SPAG17: variants seen among roughly 807,000 people sequenced by gnomAD.
The protein encoded by SPAG17 is sperm associated antigen 17.
In SPAG17, 169 loss-of-function variants were observed where a neutral mutation model predicts 273.6. The ratio of observed to expected loss-of-function variants is 0.62; its 90% CI spans 0.55 to 0.70. The LOEUF (loss-of-function observed/expected upper bound fraction) is 0.70. Ranked by LOEUF, SPAG17 falls within the 30% of genes least tolerant of loss-of-function variation. SPAG17 has a pLI of 0.00. For missense variants in SPAG17, 2,557 were observed against 2,627.8 expected, an observed-to-expected ratio of 0.97 and a Z score of 0.59; for synonymous variants, 825 against 873.2, an observed-to-expected ratio of 0.94 and a Z score of 0.97.
At chr1:118,160,142 CGCCCTAAAA>C (rs1273908295) in intron 1 of SPAG17, among the ~76,000 whole-genome samples, 1 of 152,146 alleles carries the variant, frequency 6.6e-6, no homozygotes, top group Non-Finnish European at 1.5e-5. Context: ...GAGACTCACC[CGCCCTAAAA>C]GGAGATCTCT....
chr1:118,144,579 G>GTATT (rs1658866994), intron 3 of SPAG17, among the ~76,000 whole-genome samples: 1 of 152,130 alleles, frequency 6.6e-6, no homozygotes, highest in Admixed American at 6.5e-5. Flanking sequence ...ATATCAGGTT[G>GTATT]TATTAATTGG....
At chr1:118,158,920 G>C (rs895384709) in intron 1 of SPAG17, among the ~76,000 whole-genome samples, 1 of 152,188 alleles carries the variant, frequency 6.6e-6, no homozygotes. Context: ...AGTGGAAAAG[G>C]CTCCCCTAGA....
chr1:118,077,558 CAA>C (rs1018100038), intron 15 of SPAG17, among the ~76,000 whole-genome samples: 1 of 151,966 alleles, frequency 6.6e-6, no homozygotes, highest in African/African-American at 2.4e-5. Context: ...TGAAACAAAA[CAA>C]AGAAAACACC....
At chr1:118,114,037 G>A (rs2102252730) in intron 4 of SPAG17, among the ~76,000 whole-genome samples, 1 of 152,248 alleles carries the variant, frequency 6.6e-6, no homozygotes, top group African/African-American at 2.4e-5. Flanking sequence ...CAAACAGAAA[G>A]TGCAGAAATT....
intron 32 of SPAG17, among the ~76,000 whole-genome samples, chr1:118,003,939 C>A (rs1477871168): frequency 1.3e-5 from 2 of 152,134 alleles, no homozygotes; most frequent in African/African-American, 4.8e-5. Flanking sequence ...TTTCTCCCCA[C>A]CTTTGTCGTT....
intron 10 of SPAG17, among the ~76,000 whole-genome samples, chr1:118,089,425 T>G (rs149909074): frequency 1.3e-5 from 2 of 151,384 alleles, no homozygotes; most frequent in African/African-American, 4.8e-5. Context: ...TGGGACAGTG[T>G]AAGGAATTTT....
rs1436779873 is a variant in SPAG17, at chr1:118,052,444, TAGAC to T, written c.2814+1554_2814+1557del. Among the ~76,000 whole-genome samples the T allele has an allele frequency of 4.0e-5, 6 of 151,624 alleles. No individual in the cohort carries two copies. In the East Asian group the frequency reaches 5.8e-4, roughly 15 times the overall value. ...TGGTCAAGGGATGTGAAATTTCAAT[TAGAC>T]AGGAGGAAAAAATTCAAGAGATCTA... On this transcript the variant is annotated intron_variant, in intron 20 of 48. Transcript: ENST00000336338.
At chr1:117,992,353 T>C (rs12125318) in intron 36 of SPAG17, 113 bp downstream of exon 36, 71,465 of 990,970 alleles carry the variant, frequency 0.072, 4,052 homozygotes, top group East Asian at 0.29. Context: ...CATCCTTGTG[T>C]TGCACTAGAC....
chr1:118,036,721 G>T, intron 24 of SPAG17, 49 bp downstream of exon 24: 2 of 1,262,726 alleles, frequency 1.6e-6, no homozygotes, highest in Non-Finnish European at 2.3e-6. Flanking sequence ...CAGTGGCAGG[G>T]ACCCTTGGCT....
At chr1:118,075,115 A>T (rs1015641671) in intron 15 of SPAG17, among the ~76,000 whole-genome samples, 1 of 152,254 alleles carries the variant, frequency 6.6e-6, no homozygotes, top group African/African-American at 2.4e-5. Context: ...ACCATTCTGC[A>T]GAGCTTCCCT....
chr1:117,973,448 G>T lies in SPAG17; in HGVS notation c.6118C>A (p.Pro2040Thr), dbSNP rs775364132. The T allele has an allele frequency of 3.1e-6, 5 of 1,613,638 alleles. No individual in the cohort carries two copies. The Admixed American group carries it at 6.7e-5, about 22-fold the overall frequency. Reference protein sequence around the residue: ...KLPHYLLSSKPKSQPLAKVQD... With the variant: ...KLPHYLLSSKTKSQPLAKVQD... ...ACCTTTGCAAGAGGTTGAGACTTAGGCTTGGAACTCAGCAAATAATGAGGC... is the reference window on the plus strand; with the variant it reads ...ACCTTTGCAAGAGGTTGAGACTTAGTCTTGGAACTCAGCAAATAATGAGGC... The change falls in exon 44 of 49, where the codon CCT becomes ACT. Residue 2040 changes from proline (P) to threonine (T), a missense_variant. Transcript: ENST00000336338.
intron 43 of SPAG17, among the ~76,000 whole-genome samples, chr1:117,975,877 C>A (rs527564676): frequency 6.6e-6 from 1 of 152,104 alleles, no homozygotes; most frequent in Non-Finnish European, 1.5e-5. Context: ...CTAATAAGTA[C>A]TAATTTGTTG....
At chr1:118,054,754 T>C (rs779159452) in intron 19 of SPAG17, among the ~76,000 whole-genome samples, 39 of 152,010 alleles carry the variant, frequency 2.6e-4, no homozygotes, top group Admixed American at 1.0e-3. Context: ...GGGTACTTAA[T>C]GCTCTCCTTC....
At chr1:118,027,287 G>A (rs1370671062) in intron 26 of SPAG17, among the ~76,000 whole-genome samples, 1 of 152,150 alleles carries the variant, frequency 6.6e-6, no homozygotes, top group Admixed American at 6.6e-5. Flanking sequence ...GAATGCCTAA[G>A]GAGAAGCGAA....
At chr1:118,040,575 A>G (rs1649628422) in intron 22 of SPAG17, among the ~76,000 whole-genome samples, 155 bp downstream of exon 22, 1 of 152,168 alleles carries the variant, frequency 6.6e-6, no homozygotes, top group Non-Finnish European at 1.5e-5. Flanking sequence ...AATAGAAGAA[A>G]GTGTGAAGTC....
intron 3 of SPAG17, 34 bp downstream of exon 3, chr1:118,150,507 AAC>A: frequency 8.2e-7 from 1 of 1,219,716 alleles, no homozygotes; most frequent in Non-Finnish European, 1.1e-6. Context: ...TTTTTCTAAA[AAC>A]ACAAAAATAT....
intron 29 of SPAG17, among the ~76,000 whole-genome samples, chr1:118,014,585 T>C (rs1161420993): frequency 1.3e-5 from 2 of 152,226 alleles, no homozygotes; most frequent in Non-Finnish European, 2.9e-5. Context: ...TAAGAGATTA[T>C]AAAATTATTT....
intron 4 of SPAG17, among the ~76,000 whole-genome samples, chr1:118,102,146 G>T (rs1251858096): frequency 1.3e-5 from 2 of 152,224 alleles, no homozygotes; most frequent in African/African-American, 2.4e-5. Context: ...GTGCCAGAAA[G>T]CTGGTTACAC....
intron 15 of SPAG17, among the ~76,000 whole-genome samples, chr1:118,080,327 G>A (rs995311090): frequency 6.6e-6 from 1 of 152,166 alleles, no homozygotes; most frequent in Non-Finnish European, 1.5e-5. Flanking sequence ...AACTCAGGGT[G>A]GAGGATATAT....
Sources: allele counts gnomAD v4.1 joint callset (sites outside exome capture counted in the v4.1 genomes callset), GRCh38; gene constraint gnomAD v4.1.1; transcripts MANE v1.5; gene names NCBI Gene and HGNC (gene_info 2026-07-23, HGNC 2026-07-21).